The following UBE4B variants were observed in gnomAD, a reference collection of about 807,000 sequenced individuals.
UBE4B encodes ubiquitination factor E4B, also known as ubiquitin conjugation factor E4 B.
A neutral mutation model predicts 148.1 loss-of-function variants in UBE4B; 27 were observed. The observed-to-expected ratio is 0.18, with a 90% CI of 0.13 to 0.25. UBE4B has a LOEUF of 0.25. Ranked by LOEUF, UBE4B falls within the 10% of genes least tolerant of loss-of-function variation. UBE4B has a pLI of 1.00. For synonymous variants in UBE4B, 596 were observed against 619.3 expected, an observed-to-expected ratio of 0.96 and a Z score of 0.56; for missense variants, 1,170 against 1,662.4, an observed-to-expected ratio of 0.70 and a Z score of 5.15.
At chr1:10,041,855 G>C (rs913681227) in intron 1 of UBE4B, among the ~76,000 whole-genome samples, 2 of 151,728 alleles carry the variant, frequency 1.3e-5, no homozygotes, top group South Asian at 4.2e-4. Flanking sequence ...TGCCACTACT[G>C]CCCGGCTAAT....
At chr1:10,098,207 A>T (rs1644959047) in intron 3 of UBE4B, among the ~76,000 whole-genome samples, 1 of 152,192 alleles carries the variant, frequency 6.6e-6, no homozygotes, top group African/African-American at 2.4e-5. Context: ...TAAATATAGT[A>T]TATCATGATC....
At chr1:10,086,841 C>T (rs1412598498) in intron 2 of UBE4B, among the ~76,000 whole-genome samples, 1 of 152,158 alleles carries the variant, frequency 6.6e-6, no homozygotes, top group Non-Finnish European at 1.5e-5. Flanking sequence ...AGGCATGTGC[C>T]ACCACGCCCG....
chr1:10,119,485 C>T (rs768443411), intron 8 of UBE4B, 28 bp from the exon 9 acceptor site: 21 of 1,605,354 alleles, frequency 1.3e-5, no homozygotes, highest in Middle Eastern at 1.6e-4. Context: ...TGTTTCTTGT[C>T]GTCCTCACTT....
Position 10,072,090 on chromosome 1 carries a change from C to T in UBE4B, c.87C>T (p.Leu29=), listed in dbSNP as rs1037755166. The change falls in exon 2 of 28, where the codon CTC becomes CTT. Residue 29 remains leucine (L), a synonymous_variant. Transcript: ENST00000343090. ...AGACCTCTCAGCCAACCACCCCACT[C>T]ACCTCTCCCCAGAGGGAGAACCCTC... ...GGQTSQPTTP[L]TSPQRENPPG... is the part of the protein sequence containing the mutation. The T allele has an allele frequency of 1.2e-6, 2 of 1,613,258 alleles. No homozygotes were observed. Among genetic ancestry groups the T allele is most frequent in the Non-Finnish European group, 1.7e-6 (2 of 1,179,722 alleles).
intron 2 of UBE4B, among the ~76,000 whole-genome samples, chr1:10,082,358 A>G (rs1057361933): frequency 1.3e-5 from 2 of 152,020 alleles, no homozygotes; most frequent in African/African-American, 4.8e-5. Context: ...CAAATTAGCC[A>G]GGCATGGTAG....
intron 21 of UBE4B, among the ~76,000 whole-genome samples, chr1:10,157,075 G>A (rs1406569618): frequency 6.6e-6 from 1 of 152,154 alleles, no homozygotes; most frequent in African/African-American, 2.4e-5. Flanking sequence ...GAGTGCAGTG[G>A]CATGATCTTG....
chr1:10,068,401 G>GGTAAACC, intron 1 of UBE4B, among the ~76,000 whole-genome samples: 1 of 151,094 alleles, frequency 6.6e-6, no homozygotes, highest in South Asian at 2.1e-4. Context: ...CCAGGCTGGA[G>GGTAAACC]TGCAGTGGTG....
intron 2 of UBE4B, among the ~76,000 whole-genome samples, chr1:10,074,565 G>T (rs1557531200): frequency 6.6e-6 from 1 of 152,070 alleles, no homozygotes; most frequent in African/African-American, 2.4e-5. Context: ...GGGTTCCCGT[G>T]GTTGCTCTGT....
rs371930619 is a variant in UBE4B at position 10,059,491 on chromosome 1, C to G, written c.25-12537C>G. On this transcript the variant is annotated intron_variant, in intron 1 of 27. Transcript: ENST00000343090. ...TGGCACAGTCGAGCCTTGGGAGGCT[C>G]TCCCGGAAGGGGCCATCATGGAGCT... 6 of 216,166 alleles carry G rather than the reference C, an allele frequency of 2.8e-5. No individual in the cohort carries two copies. In the East Asian group the frequency reaches 4.4e-4, roughly 16 times the overall value. The allele number at this position is 216,166 out of a possible 1,614,324, so 13.4% of individuals were successfully genotyped here. A position where few individuals can be genotyped will look rare whatever the true frequency, so the allele number is the denominator to read the frequency against.
intron 17 of UBE4B, among the ~76,000 whole-genome samples, chr1:10,137,859 A>G (rs773580256): frequency 2.0e-5 from 3 of 147,622 alleles, no homozygotes; most frequent in Admixed American, 6.8e-5. Flanking sequence ...TAGTCTGTCT[A>G]TGAGAGAAAC....
At chr1:10,156,837 TG>T (rs756822586) in intron 21 of UBE4B, among the ~76,000 whole-genome samples, 1 of 152,292 alleles carries the variant, frequency 6.6e-6, no homozygotes, top group Admixed American at 6.5e-5. Context: ...TTTCCTTTTT[TG>T]GTCACACACA....
intron 2 of UBE4B, 54 bp downstream of exon 2, chr1:10,072,268 T>C: frequency 3.8e-6 from 6 of 1,573,334 alleles, no homozygotes; most frequent in Non-Finnish European, 4.3e-6. Context: ...TAGCTTTTTG[T>C]TAAGCTGATG....
intron 9 of UBE4B, 103 bp downstream of exon 9, chr1:10,119,716 C>G (rs1010224189): frequency 1.1e-6 from 1 of 918,876 alleles, no homozygotes; most frequent in Non-Finnish European, 1.7e-6. Context: ...AGATAACTCC[C>G]TTCCTCACCT....
intron 1 of UBE4B, among the ~76,000 whole-genome samples, chr1:10,046,469 C>G (rs1286060157): frequency 6.6e-6 from 1 of 152,084 alleles, no homozygotes; most frequent in Non-Finnish European, 1.5e-5. Flanking sequence ...AGTAGAAAGT[C>G]CTGTTTGGAA....
intron 23 of UBE4B, among the ~76,000 whole-genome samples, chr1:10,162,828 C>T (rs1004345745): frequency 3.9e-5 from 6 of 151,960 alleles, no homozygotes; most frequent in African/African-American, 1.2e-4. Context: ...TTCCCGTCTC[C>T]GTCCATGTGT....
chr1:10,082,342 AATACAC>A (rs1644695738), intron 2 of UBE4B, among the ~76,000 whole-genome samples: 1 of 152,082 alleles, frequency 6.6e-6, no homozygotes, highest in Non-Finnish European at 1.5e-5. Context: ...CTACAAAAAA[AATACAC>A]AAATTAGCCA....
intron 2 of UBE4B, among the ~76,000 whole-genome samples, chr1:10,091,628 T>G (rs974559948): frequency 7.2e-5 from 11 of 151,992 alleles, no homozygotes; most frequent in Admixed American, 6.6e-4. Context: ...TTTTTTAAGA[T>G]GGAGTATTGC....
chr1:10,053,297 C>T (rs1210782840), intron 1 of UBE4B, among the ~76,000 whole-genome samples: 1 of 151,702 alleles, frequency 6.6e-6, no homozygotes, highest in Admixed American at 6.6e-5. Context: ...TACAGGCATG[C>T]ACCACCATGC....
intron 19 of UBE4B, among the ~76,000 whole-genome samples, chr1:10,148,974 C>T (rs1645927121): frequency 6.6e-6 from 1 of 152,140 alleles, no homozygotes. Flanking sequence ...AAAAGGAAAA[C>T]ATTTCACACA....
Sources: allele counts gnomAD v4.1 joint callset (sites outside exome capture counted in the v4.1 genomes callset), GRCh38; gene constraint gnomAD v4.1.1; transcripts MANE v1.5; gene names NCBI Gene and HGNC (gene_info 2026-07-23, HGNC 2026-07-21).